Variants in NBAS observed in about 807,000 individuals in gnomAD.
NBAS encodes the protein NAG/BC035112 fusion.
Under a neutral mutation model 302.5 loss-of-function variants are expected in NBAS, and 219 were observed. That is an observed-to-expected ratio of 0.72 (90% CI 0.65 to 0.81). NBAS has a LOEUF of 0.81. Ranked by LOEUF, NBAS falls within the 30% of genes least tolerant of loss-of-function variation. NBAS has a pLI of 0.00. For synonymous variants in NBAS, 1,118 were observed against 1,021.6 expected, an observed-to-expected ratio of 1.09 and a Z score of -1.80; for missense variants, 2,932 against 2,841.6, an observed-to-expected ratio of 1.03 and a Z score of -0.72.
intron 38 of NBAS, among the ~76,000 whole-genome samples, chr2:15,326,640 T>A (rs1672081511): frequency 6.6e-6 from 1 of 152,228 alleles, no homozygotes; most frequent in Non-Finnish European, 1.5e-5. Flanking sequence ...TTGTAATATG[T>A]ATGGTACATA....
At chr2:15,084,693 G>T in the NBAS span, among the ~76,000 whole-genome samples, 4 of 147,832 alleles carry the variant, frequency 2.7e-5, no homozygotes, top group Admixed American at 6.7e-5. Context: ...GGGGCGGGGG[G>T]GGTTCCTTAT....
chr2:14,866,011 G>T, the NBAS span, among the ~76,000 whole-genome samples: 2 of 151,982 alleles, frequency 1.3e-5, no homozygotes, highest in East Asian at 3.9e-4. Context: ...ATTTTCAGAT[G>T]GATTTTTTTT....
downstream of NBAS, among the ~76,000 whole-genome samples, chr2:15,163,829 C>A (rs1474447116): frequency 6.6e-6 from 1 of 151,042 alleles, no homozygotes; most frequent in Non-Finnish European, 1.5e-5. Context: ...AAGAGTCTCG[C>A]TCTGTTGCCC....
intron 25 of NBAS, among the ~76,000 whole-genome samples, chr2:15,405,873 T>A (rs1029747038): frequency 6.6e-6 from 1 of 151,750 alleles, no homozygotes; most frequent in Non-Finnish European, 1.5e-5. Flanking sequence ...GTGCAAAACA[T>A]CTAAGAGGAA....
chr2:15,102,902 C>T, the NBAS span, among the ~76,000 whole-genome samples: 21 of 151,606 alleles, frequency 1.4e-4, no homozygotes, highest in African/African-American at 5.1e-4. Flanking sequence ...CTGTTCCAGC[C>T]AGGTAACTGT....
the NBAS span, among the ~76,000 whole-genome samples, chr2:15,050,629 A>G: frequency 3.8e-4 from 58 of 152,320 alleles, no homozygotes; most frequent in Admixed American, 7.2e-4. Context: ...CTTAGGGAGC[A>G]TACTCCCCTC....
At chr2:15,038,364 G>C in the NBAS span, among the ~76,000 whole-genome samples, 2 of 152,008 alleles carry the variant, frequency 1.3e-5, no homozygotes, top group African/African-American at 4.8e-5. Flanking sequence ...GCCTGCCCTG[G>C]CCTCCCAAAG....
At chr2:15,424,276 C>T (rs1238764968) in intron 23 of NBAS, 39 bp downstream of exon 23, 1 of 1,612,418 alleles carries the variant, frequency 6.2e-7, no homozygotes, top group Non-Finnish European at 8.5e-7. Flanking sequence ...AAGGCAGTTC[C>T]ACTAACATTA....
intron 38 of NBAS, among the ~76,000 whole-genome samples, chr2:15,321,587 G>T (rs1315671717): frequency 6.6e-6 from 1 of 152,142 alleles, no homozygotes; most frequent in Non-Finnish European, 1.5e-5. Flanking sequence ...GTGGGCAAAG[G>T]ATATGAACAG....
the NBAS span, among the ~76,000 whole-genome samples, chr2:14,837,867 C>A: frequency 6.6e-6 from 1 of 151,680 alleles, no homozygotes. Context: ...TGAAGAACAC[C>A]TTTTAATATT....
At chr2:15,516,089 G>A (rs908894445) in intron 9 of NBAS, among the ~76,000 whole-genome samples, 1 of 152,164 alleles carries the variant, frequency 6.6e-6, no homozygotes, top group African/African-American at 2.4e-5. Context: ...AGGAAACATC[G>A]AGAAGAAAAT....
At chr2:15,092,450 G>A in the NBAS span, among the ~76,000 whole-genome samples, 1 of 152,204 alleles carries the variant, frequency 6.6e-6, no homozygotes, top group Non-Finnish European at 1.5e-5. Context: ...AAGGGACTTG[G>A]AGAGTTCAGA....
At chr2:15,445,422 G>A (rs1169563186) in intron 21 of NBAS, among the ~76,000 whole-genome samples, 4 of 147,734 alleles carry the variant, frequency 2.7e-5, no homozygotes, top group Admixed American at 1.4e-4. Flanking sequence ...TCCAAACACC[G>A]CATATTCTCA....
At chr2:15,105,467 A>G in the NBAS span, among the ~76,000 whole-genome samples, 1 of 150,066 alleles carries the variant, frequency 6.7e-6, no homozygotes, top group Non-Finnish European at 1.5e-5. Context: ...TACAAAAAAA[A>G]AAAGAAAGAA....
At chr2:15,270,020 G>A (rs777848972) in intron 44 of NBAS, among the ~76,000 whole-genome samples, 2 of 152,184 alleles carry the variant, frequency 1.3e-5, no homozygotes, top group Non-Finnish European at 2.9e-5. Flanking sequence ...TGAGAATCCA[G>A]CTGTGTTCTA....
chr2:15,055,526 C>T, the NBAS span, among the ~76,000 whole-genome samples: 1 of 152,132 alleles, frequency 6.6e-6, no homozygotes, highest in Admixed American at 6.6e-5. Flanking sequence ...GGAAGAGCTG[C>T]AGTGTCCATA....
At chr2:15,192,423 G>C (rs909847263) in intron 48 of NBAS, among the ~76,000 whole-genome samples, 1 of 151,946 alleles carries the variant, frequency 6.6e-6, no homozygotes, top group Non-Finnish European at 1.5e-5. Flanking sequence ...AATACAAATG[G>C]AGTTGCCATA....
At chr2:14,795,788 T>C in the NBAS span, among the ~76,000 whole-genome samples, 2 of 151,838 alleles carry the variant, frequency 1.3e-5, no homozygotes, top group Admixed American at 1.3e-4. Flanking sequence ...CTAGCAGATA[T>C]GAGTAGCAAC....
intron 47 of NBAS, among the ~76,000 whole-genome samples, chr2:15,220,255 G>A (rs553628498): frequency 2.6e-4 from 39 of 151,954 alleles, no homozygotes; most frequent in African/African-American, 9.2e-4. Context: ...AGGGGCGGCC[G>A]GGCAGAGGCG....
Sources: allele counts gnomAD v4.1 joint callset (sites outside exome capture counted in the v4.1 genomes callset), GRCh38; gene constraint gnomAD v4.1.1; transcripts MANE v1.5; gene names NCBI Gene and HGNC (gene_info 2026-07-23, HGNC 2026-07-21).